The following TPP2 variants were observed in gnomAD, a reference collection of about 807,000 sequenced individuals.
The protein encoded by TPP2 is tripeptidyl peptidase 2, also known as tripeptidyl-peptidase 2.
Under a neutral mutation model 155.9 loss-of-function variants are expected in TPP2, and 34 were observed. That is an observed-to-expected ratio of 0.22 (90% CI 0.17 to 0.29). The LOEUF (loss-of-function observed/expected upper bound fraction) is 0.29. Among genes scored for constraint, TPP2 ranks in the 10% least tolerant of loss-of-function variants. The pLI, the probability that TPP2 is intolerant of heterozygous loss-of-function variation, is 1.00. For synonymous variants in TPP2, 510 were observed against 529.4 expected (o/e 0.96, Z 0.50); for missense variants, 1,028 against 1,522.3 (o/e 0.68, Z 5.40).
chr13:102,626,673 C>T (rs751978264), intron 6 of TPP2, among the ~76,000 whole-genome samples: 6 of 152,126 alleles, frequency 3.9e-5, no homozygotes, highest in Non-Finnish European at 8.8e-5. Context: ...GCTTAATTTG[C>T]GTTTCCTAGA....
chr13:102,605,873 G>A (rs868372489), intron 2 of TPP2, among the ~76,000 whole-genome samples: 4 of 152,014 alleles, frequency 2.6e-5, no homozygotes, highest in East Asian at 3.9e-4. Flanking sequence ...ACAGGTGCCC[G>A]CCACCACGTC....
rs544223836 is a variant in TPP2, at chr13:102,645,041, T to C, written c.2393+32T>C. ...TTCAATGTTTTAGGAACTACAGATA[T>C]TGAATATAGATTGGGGGGATCTCTT... On this transcript the variant is annotated intron_variant, in intron 19 of 29. Coordinates refer to ENST00000376052, the MANE Select transcript of TPP2 (RefSeq NM_001330588.2). The C allele has an allele frequency of 1.4e-5, 22 of 1,596,242 alleles. No homozygotes were observed. In the East Asian group the frequency reaches 1.6e-4, roughly 11 times the overall value.
At chr13:102,610,210 CATTT>C (rs937703693) in intron 2 of TPP2, among the ~76,000 whole-genome samples, 76 of 152,008 alleles carry the variant, frequency 5.0e-4, no homozygotes, top group East Asian at 9.7e-4. Flanking sequence ...TGTAGTCGTG[CATTT>C]ATTTATTTAT....
At chr13:102,655,723 A>G (rs1883810151) in intron 24 of TPP2, among the ~76,000 whole-genome samples, 1 of 152,122 alleles carries the variant, frequency 6.6e-6, no homozygotes, top group African/African-American at 2.4e-5. Context: ...GGACTGCTCC[A>G]CTGTCCCCTG....
intron 1 of TPP2, among the ~76,000 whole-genome samples, chr13:102,597,425 G>T (rs1879050853): frequency 6.6e-6 from 1 of 152,108 alleles, no homozygotes; most frequent in South Asian, 2.1e-4. Context: ...CTGGGCGGGC[G>T]AGGGCCCGGA....
At chr13:102,654,174 T>C (rs1414279853) in intron 24 of TPP2, among the ~76,000 whole-genome samples, 1 of 152,172 alleles carries the variant, frequency 6.6e-6, no homozygotes, top group African/African-American at 2.4e-5. Flanking sequence ...GAAGAAATTA[T>C]TGTGATACAG....
At chr13:102,622,767 T>C (rs1881254440) in intron 5 of TPP2, 110 bp from the exon 6 acceptor site, 13 of 1,189,186 alleles carry the variant, frequency 1.1e-5, no homozygotes, top group Non-Finnish European at 1.4e-5. Context: ...TATTTATATT[T>C]GTTGTGGTAG....
chr13:102,669,651 G>A (rs1368018644), intron 27 of TPP2, among the ~76,000 whole-genome samples: 1 of 152,116 alleles, frequency 6.6e-6, no homozygotes, highest in East Asian at 1.9e-4. Context: ...CGTGTGAGCT[G>A]GCAATTTGGG....
At chr13:102,631,251 G>C (rs1044741461) in intron 10 of TPP2, 2 of 152,188 alleles carry the variant, frequency 1.3e-5, no homozygotes, top group African/African-American at 4.8e-5. Context: ...TATTCTTTGA[G>C]TTACAGATAT....
chr13:102,636,987 C>T (rs1595171932), intron 13 of TPP2, 95 bp from the exon 14 acceptor site: 1 of 1,353,382 alleles, frequency 7.4e-7, no homozygotes, highest in Non-Finnish European at 9.9e-7. Context: ...GCCAACCAAA[C>T]CAAGTCGCTA....
intron 25 of TPP2, among the ~76,000 whole-genome samples, chr13:102,658,933 A>G (rs552415508): frequency 2.7e-4 from 41 of 152,324 alleles, no homozygotes; most frequent in African/African-American, 9.9e-4. Context: ...CTGTGGTTCC[A>G]TACCACACGA....
chr13:102,648,329 A>G (rs1352483851), intron 21 of TPP2, among the ~76,000 whole-genome samples: 1 of 152,104 alleles, frequency 6.6e-6, no homozygotes, highest in Non-Finnish European at 1.5e-5. Context: ...ATGGTGCACT[A>G]TGATTGCACC....
chr13:102,641,076 C>CT (rs2139521444), intron 16 of TPP2, among the ~76,000 whole-genome samples: 1 of 152,346 alleles, frequency 6.6e-6, no homozygotes, highest in South Asian at 2.1e-4. Flanking sequence ...AAGATTTTCA[C>CT]TTCAGTGTCT....
chr13:102,598,706 A>G (rs74112103), intron 1 of TPP2, among the ~76,000 whole-genome samples: 1,626 of 152,298 alleles, frequency 0.011, 33 homozygotes, highest in African/African-American at 0.036. Context: ...TTCTTTTGTC[A>G]GGATAATAAG....
At chr13:102,621,105 C>A (rs977311394) in intron 5 of TPP2, among the ~76,000 whole-genome samples, 2 of 152,194 alleles carry the variant, frequency 1.3e-5, no homozygotes, top group African/African-American at 4.8e-5. Flanking sequence ...GCACCACATT[C>A]ATACTTGTCC....
At chr13:102,600,473 C>G (rs1023387705) in intron 1 of TPP2, among the ~76,000 whole-genome samples, 1 of 151,974 alleles carries the variant, frequency 6.6e-6, no homozygotes, top group Non-Finnish European at 1.5e-5. Flanking sequence ...AGGCCCAATC[C>G]CTCCTAAGAG....
intron 23 of TPP2, 22 bp from the exon 24 acceptor site, chr13:102,651,337 A>T: frequency 6.4e-7 from 1 of 1,571,352 alleles, no homozygotes. Flanking sequence ...GTTTTCTTAC[A>T]GAATGTCGTT....
Position 102,619,822 on chromosome 13 carries a change from A to G in TPP2, c.620+976A>G, listed in dbSNP as rs115569636. 4.8e-3 allele frequency among the ~76,000 whole-genome samples: 736 copies of G among 152,304 alleles called. 6 individuals are homozygous for G. Among genetic ancestry groups the G allele is most frequent in the African/African-American group, 0.017 (687 of 41,568 alleles). On this transcript the variant is annotated intron_variant, in intron 5 of 29. Transcript: ENST00000376052. ...ATGTTGTTTTGTTGTGTGCATATGC[A>G]TACACGTTTTGAAAAATTATTTTCC...
chr13:102,619,923 AAGC>A (rs1881030964), intron 5 of TPP2, among the ~76,000 whole-genome samples: 1 of 152,220 alleles, frequency 6.6e-6, no homozygotes, highest in African/African-American at 2.4e-5. Context: ...ACTCAGTGAT[AAGC>A]CTTAGGTGCG....
Sources: gnomAD v4.1 joint callset for allele counts (sites outside exome capture counted in the v4.1 genomes callset) on GRCh38, gnomAD v4.1.1 for gene constraint, MANE v1.5 for transcripts, NCBI Gene and HGNC (gene_info 2026-07-23, HGNC 2026-07-21) for gene names.